CNKSR3: variants seen among roughly 807,000 people sequenced by gnomAD.
CNKSR3 encodes the protein connector enhancer of kinase suppressor of ras 3.
Under a neutral mutation model 67.7 loss-of-function variants are expected in CNKSR3, and 36 were observed. That is an observed-to-expected ratio of 0.53 (90% confidence interval 0.41 to 0.70). The LOEUF (loss-of-function observed/expected upper bound fraction) is 0.70. Among genes scored for constraint, CNKSR3 ranks in the 30% least tolerant of loss-of-function variants. The pLI is 0.00. For missense variants in CNKSR3, 630 were observed against 695.2 expected (o/e 0.91, Z 1.05); for synonymous variants, 281 against 271.4 (o/e 1.04, Z -0.35).
At chr6:154,496,449 G>C (rs574918041) in intron 1 of CNKSR3, among the ~76,000 whole-genome samples, 1 of 142,644 alleles carries the variant, frequency 7.0e-6, no homozygotes, top group East Asian at 2.1e-4. Context: ...AGCAGCCAGG[G>C]CTCTGAGTAC....
chr6:154,444,235 A>T (rs1785660952), intron 2 of CNKSR3, among the ~76,000 whole-genome samples: 1 of 152,224 alleles, frequency 6.6e-6, no homozygotes, highest in Non-Finnish European at 1.5e-5. Flanking sequence ...CAGGAACTGG[A>T]CTCAGTGTTT....
rs939242802 is a variant in CNKSR3 at position 154,392,827 on chromosome 6, C to T, written c.*13527G>A. On this transcript the variant is annotated 3_prime_UTR_variant, in exon 13 of 13. Coordinates refer to ENST00000607772, the MANE Select transcript of CNKSR3 (RefSeq NM_173515.4). ...CATTGCCAGTTTCCATGGAGCTCCA[C>T]AAGAGCCTGACTTCTTTTCTGGGAA... The T allele has an allele frequency of 4.6e-5, 7 of 152,326 alleles. No individual in the cohort carries two copies. The highest frequency in any genetic ancestry group is 1.7e-4 in the African/African-American group (7 of 41,464). The allele number at this position is 152,326 out of a possible 1,614,324, so 9.4% of individuals were successfully genotyped here.
intron 10 of CNKSR3, among the ~76,000 whole-genome samples, chr6:154,412,840 A>T (rs1049408982): frequency 6.6e-6 from 1 of 152,202 alleles, no homozygotes; most frequent in African/African-American, 2.4e-5. Flanking sequence ...ATTATAACCT[A>T]ATCATATATT....
At chr6:154,417,938 T>C (rs546391531) in intron 9 of CNKSR3, among the ~76,000 whole-genome samples, 1 of 152,272 alleles carries the variant, frequency 6.6e-6, no homozygotes, top group Non-Finnish European at 1.5e-5. Flanking sequence ...CTCCCCAGCC[T>C]GGCACTCCAT....
chr6:154,419,350 T>G (rs920175386), intron 9 of CNKSR3, among the ~76,000 whole-genome samples: 3 of 152,122 alleles, frequency 2.0e-5, no homozygotes, highest in African/African-American at 7.2e-5. Flanking sequence ...CAGCCCCGAA[T>G]AGACATTTCT....
chr6:154,506,344 G>A (rs1034548041), intron 1 of CNKSR3, among the ~76,000 whole-genome samples: 2 of 152,144 alleles, frequency 1.3e-5, no homozygotes, highest in Non-Finnish European at 2.9e-5. Context: ...GGAGGAAAGA[G>A]AAAGAAGAAA....
At chr6:154,454,104 C>CACACACACACACAGAGAGAGAGAG (rs1268729108) in intron 1 of CNKSR3, among the ~76,000 whole-genome samples, 1 of 116,290 alleles carries the variant, frequency 8.6e-6, no homozygotes, top group African/African-American at 3.4e-5. Flanking sequence ...CACACACACA[C>CACACACACACACAGAGAGAGAGAG]AGAGAGAGAG....
rs904025375 is a variant in CNKSR3 at position 154,399,294 on chromosome 6, A to T, written c.*7060T>A. The T allele has an allele frequency of 1.3e-5, 2 of 152,206 alleles. No individual in the cohort carries two copies. The highest frequency in any genetic ancestry group is 2.9e-5 in the Non-Finnish European group (2 of 68,040). The allele number at this position is 152,206 out of a possible 1,614,324, so 9.4% of individuals were successfully genotyped here. A position where few individuals can be genotyped will look rare whatever the true frequency, so the allele number is the denominator to read the frequency against. ...CCTGTTGGCCAGCTCTGAATACCTT[A>T]TTCACTAGAGGCTGAGATGGAGTCA... On this transcript the variant is annotated 3_prime_UTR_variant, in exon 13 of 13. Coordinates refer to ENST00000607772, the MANE Select transcript of CNKSR3 (RefSeq NM_173515.4).
intron 1 of CNKSR3, among the ~76,000 whole-genome samples, chr6:154,463,369 G>A (rs950339818): frequency 1.5e-4 from 23 of 152,154 alleles, no homozygotes; most frequent in South Asian, 4.1e-4. Context: ...CACCGCGCCC[G>A]GCTTCACCTT....
chr6:154,487,229 A>C (rs927097387), intron 1 of CNKSR3, among the ~76,000 whole-genome samples: 3 of 152,158 alleles, frequency 2.0e-5, no homozygotes, highest in African/African-American at 7.2e-5. Context: ...GATTGAAACT[A>C]CCCCGTTGGA....
intron 2 of CNKSR3, among the ~76,000 whole-genome samples, chr6:154,443,921 G>GTTCA (rs1193781780): frequency 1.3e-5 from 2 of 152,064 alleles, no homozygotes; most frequent in Non-Finnish European, 2.9e-5. Context: ...TTTGAACAAT[G>GTTCA]TTCAGCTTAT....
intron 2 of CNKSR3, among the ~76,000 whole-genome samples, chr6:154,445,998 A>G (rs544418605): frequency 6.6e-6 from 1 of 152,270 alleles, no homozygotes. Context: ...GAAAATAAAT[A>G]ATTTCTCAGA....
At chr6:154,458,061 T>C (rs1020832955) in intron 1 of CNKSR3, among the ~76,000 whole-genome samples, 9 of 152,210 alleles carry the variant, frequency 5.9e-5, no homozygotes, top group African/African-American at 2.2e-4. Context: ...CATGACTCCT[T>C]GGTTTACAGA....
chr6:154,462,723 T>A (rs141259353), intron 1 of CNKSR3, among the ~76,000 whole-genome samples: 1,964 of 152,264 alleles, frequency 0.013, 58 homozygotes, highest in African/African-American at 0.045. Context: ...TCCCTTCACA[T>A]CTGCAGGGAG....
intron 1 of CNKSR3, among the ~76,000 whole-genome samples, chr6:154,486,665 TGTATTTTTA>T (rs888255956): frequency 6.7e-6 from 1 of 149,736 alleles, no homozygotes; most frequent in Non-Finnish European, 1.5e-5. Flanking sequence ...GCTAATCTTT[TGTATTTTTA>T]GTAGAGACGG....
intron 1 of CNKSR3, among the ~76,000 whole-genome samples, chr6:154,506,654 C>A (rs999210797): frequency 6.6e-6 from 1 of 152,244 alleles, no homozygotes; most frequent in African/African-American, 2.4e-5. Flanking sequence ...AATGGCTGAA[C>A]AAGATGGCAG....
At chr6:154,451,112 T>C (rs1785816256) in intron 1 of CNKSR3, among the ~76,000 whole-genome samples, 1 of 145,820 alleles carries the variant, frequency 6.9e-6, no homozygotes, top group African/African-American at 2.6e-5. Context: ...TGGTACCACA[T>C]AGAAAGGCAT....
intron 2 of CNKSR3, among the ~76,000 whole-genome samples, chr6:154,442,549 G>A (rs894562199): frequency 6.6e-6 from 1 of 152,176 alleles, no homozygotes; most frequent in Admixed American, 6.5e-5. Flanking sequence ...GTGAACCCGG[G>A]AGGCAGAGCT....
chr6:154,453,729 T>A (rs932278715), intron 1 of CNKSR3, among the ~76,000 whole-genome samples: 31 of 152,308 alleles, frequency 2.0e-4, no homozygotes, highest in Admixed American at 9.8e-4. Context: ...ATTAAACTAT[T>A]ACGCAGTCCC....
Sources: gnomAD v4.1 joint callset for allele counts (sites outside exome capture counted in the v4.1 genomes callset) on GRCh38, gnomAD v4.1.1 for gene constraint, MANE v1.5 for transcripts, NCBI Gene and HGNC (gene_info 2026-07-23, HGNC 2026-07-21) for gene names.